The following XPO4 variants were observed in gnomAD, a reference collection of about 807,000 sequenced individuals.
XPO4 encodes exportin 4, also known as exportin-4.
In XPO4, 39 loss-of-function variants were observed where a neutral mutation model predicts 143.0. The observed-to-expected ratio is 0.27, with a 90% confidence interval of 0.21 to 0.36. The LOEUF is 0.36. XPO4 is among the 10% of genes least tolerant of loss of function. The pLI, the probability that XPO4 is intolerant of heterozygous loss-of-function variation, is 1.00. For missense variants in XPO4, 907 were observed against 1,348.0 expected, an observed-to-expected ratio of 0.67 and a Z score of 5.12; for synonymous variants, 439 against 474.0, an observed-to-expected ratio of 0.93 and a Z score of 0.96.
At chr13:20,871,361 C>T (rs115211982) in intron 1 of XPO4, among the ~76,000 whole-genome samples, 14,199 of 152,188 alleles carry the variant, frequency 0.093, 822 homozygotes, top group Non-Finnish European at 0.13. Context: ...ACTCTGTCGT[C>T]CAGGCTGGAG....
At chr13:20,815,099 G>A (rs114758203) in intron 9 of XPO4, among the ~76,000 whole-genome samples, 2 of 152,184 alleles carry the variant, frequency 1.3e-5, no homozygotes, top group African/African-American at 4.8e-5. Flanking sequence ...CCAACTACAC[G>A]ACATTCTAGA....
chr13:20,893,008 T>C (rs1397218148), intron 1 of XPO4, among the ~76,000 whole-genome samples: 1 of 151,676 alleles, frequency 6.6e-6, no homozygotes, highest in East Asian at 1.9e-4. Context: ...AAGGATGAAG[T>C]GACAGGGAAG....
chr13:20,890,798 CAAAAA>C (rs60214499), intron 1 of XPO4, among the ~76,000 whole-genome samples: 3 of 93,152 alleles, frequency 3.2e-5, no homozygotes, highest in Non-Finnish European at 2.0e-5. Context: ...GACCCTGCCT[CAAAAA>C]AAAAAAAAAA....
At chr13:20,852,052 GC>G (rs1259299064) in intron 4 of XPO4, 1 of 985,238 alleles carries the variant, frequency 1.0e-6, no homozygotes, top group African/African-American at 1.7e-5. Flanking sequence ...TTGACCCTTC[GC>G]CTGCGCCGTC....
intron 1 of XPO4, among the ~76,000 whole-genome samples, chr13:20,890,468 A>G (rs2060501495): frequency 6.6e-6 from 1 of 151,532 alleles, no homozygotes; most frequent in African/African-American, 2.4e-5. Context: ...AAAGAAATAA[A>G]GAAATTGAAA....
chr13:20,881,458 G>C (rs2060408988), intron 1 of XPO4, among the ~76,000 whole-genome samples: 1 of 151,944 alleles, frequency 6.6e-6, no homozygotes, highest in Non-Finnish European at 1.5e-5. Context: ...TTTTAGTAGA[G>C]ACGGGGTTTC....
At chr13:20,816,633 G>A (rs953426352) in intron 9 of XPO4, among the ~76,000 whole-genome samples, 100 of 152,160 alleles carry the variant, frequency 6.6e-4, no homozygotes, top group African/African-American at 2.4e-3. Context: ...CAGTAAGTAA[G>A]CTTTATTCTA....
At chr13:20,793,533 C>T (rs1415462654) in intron 18 of XPO4, among the ~76,000 whole-genome samples, 2 of 152,096 alleles carry the variant, frequency 1.3e-5, no homozygotes, top group African/African-American at 4.8e-5. Context: ...CCTTAATAGC[C>T]CCCCTGCCCT....
chr13:20,815,972 A>T (rs1204957317), intron 9 of XPO4, among the ~76,000 whole-genome samples: 1 of 152,212 alleles, frequency 6.6e-6, no homozygotes, highest in Admixed American at 6.5e-5. Flanking sequence ...AAAAAACCAC[A>T]GGTTAAAAAA....
In XPO4 at chr13:20,799,238, G is replaced by A. The variant is rs1415208631; in HGVS notation, c.2249C>T (p.Thr750Ile). 6.2e-7 allele frequency: 1 copy of A among 1,613,786 alleles called. No homozygotes were observed. The highest frequency in any genetic ancestry group is 8.5e-7 in the Non-Finnish European group (1 of 1,179,760). Residue 750 changes from threonine (T) to isoleucine (I), a missense_variant, in exon 16 of 23, where the codon ACA (threonine) becomes ATA (isoleucine). Coordinates refer to ENST00000255305, the MANE Select transcript of XPO4 (RefSeq NM_022459.5). The stretch of plus-strand genomic sequence containing the variant: ...TCCTAAGACTAGAGCCTTCATCAAT[G>A]TCCTCTGCACAGGACTTGACAAGAA... ...LNFLSSPVQR[T>I]LMKALVLGGF...
chr13:20,881,380 T>C (rs1243244203), intron 1 of XPO4, among the ~76,000 whole-genome samples: 3 of 152,138 alleles, frequency 2.0e-5, no homozygotes, highest in Admixed American at 1.3e-4. Context: ...GCCATTCTCC[T>C]GCCTCAGCTT....
At chr13:20,895,448 A>C (rs1306702626) in intron 1 of XPO4, among the ~76,000 whole-genome samples, 1 of 152,026 alleles carries the variant, frequency 6.6e-6, no homozygotes, top group Non-Finnish European at 1.5e-5. Context: ...CCTGGCCAAC[A>C]AGGTGAAACC....
chr13:20,822,388 C>G (rs1403177691), intron 7 of XPO4, 99 bp from the exon 8 acceptor site: 1 of 1,030,926 alleles, frequency 9.7e-7, no homozygotes, highest in East Asian at 2.6e-5. Context: ...TTCACTGTAG[C>G]TGGTTATTTC....
intron 1 of XPO4, chr13:20,902,044 T>C: frequency 1.0e-6 from 1 of 981,546 alleles, no homozygotes; most frequent in Non-Finnish European, 1.2e-6. Flanking sequence ...GACTCAGTTC[T>C]CCAAATCGCG....
intron 7 of XPO4, among the ~76,000 whole-genome samples, chr13:20,825,366 T>C (rs143335878): frequency 5.3e-5 from 8 of 152,296 alleles, no homozygotes; most frequent in Admixed American, 5.2e-4. Flanking sequence ...AGGCAATAAA[T>C]TCATATAACT....
chr13:20,807,578 T>A lies in XPO4; in HGVS notation c.1696A>T (p.Met566Leu), dbSNP rs751729039. 1 of 1,613,206 alleles carries A rather than the reference T, an allele frequency of 6.2e-7. No individual in the cohort carries two copies. Among genetic ancestry groups the A allele is most frequent in the East Asian group, 2.2e-5 (1 of 44,824 alleles). ...GATGAATGCTTAATGGAATATTCCA[T>A]TATTTCTGGAGGTATTAGCGGAGTC... Reference protein sequence around the residue: ...GETPLIPPEIMEYSIKHSSEV... With the variant: ...GETPLIPPEILEYSIKHSSEV... The change falls in exon 13 of 23, where the codon ATG (methionine) becomes TTG (leucine). Residue 566 changes from methionine (M) to leucine (L), a missense_variant. Physicochemically the swap from Met to Leu is conservative, Grantham distance 15. Transcript: ENST00000255305.
chr13:20,814,272 C>A (rs1180162662), intron 9 of XPO4, among the ~76,000 whole-genome samples: 1 of 150,646 alleles, frequency 6.6e-6, no homozygotes, highest in African/African-American at 2.4e-5. Flanking sequence ...CACATGTTAT[C>A]GTGGTTTAAT....
intron 19 of XPO4, 87 bp from the exon 20 acceptor site, chr13:20,788,703 G>T: frequency 8.1e-7 from 1 of 1,241,468 alleles, no homozygotes; most frequent in Non-Finnish European, 1.1e-6. Flanking sequence ...TAACTGACAA[G>T]CTTCTAAATA....
chr13:20,798,422 T>A (rs2059386414), intron 16 of XPO4, among the ~76,000 whole-genome samples: 1 of 152,204 alleles, frequency 6.6e-6, no homozygotes, highest in African/African-American at 2.4e-5. Flanking sequence ...CTTGGACTTC[T>A]AGCCTCCAGA....
Sources: allele counts gnomAD v4.1 joint callset (sites outside exome capture counted in the v4.1 genomes callset), GRCh38; gene constraint gnomAD v4.1.1; transcripts MANE v1.5; gene names NCBI Gene and HGNC (gene_info 2026-07-23, HGNC 2026-07-21).